Variants in TANGO6 observed in about 807,000 individuals in gnomAD.
The protein encoded by TANGO6 is transport and Golgi organization protein 6 homolog.
Under a neutral mutation model 114.2 loss-of-function variants are expected in TANGO6, and 90 were observed. The ratio of observed to expected loss-of-function variants is 0.79; its 90% CI spans 0.66 to 0.94. TANGO6 has a LOEUF of 0.94. Among genes scored for constraint, TANGO6 ranks in the 40% least tolerant of loss-of-function variants. TANGO6 has a pLI of 0.00. For missense variants in TANGO6, 1,274 were observed against 1,315.3 expected (o/e 0.97, Z 0.49); for synonymous variants, 477 against 509.8 (o/e 0.94, Z 0.87).
At chr16:68,898,263 A>G (rs1353739435) in intron 7 of TANGO6, among the ~76,000 whole-genome samples, 4 of 152,158 alleles carry the variant, frequency 2.6e-5, no homozygotes, top group African/African-American at 9.7e-5. Context: ...TAGATCATGC[A>G]CAGGAAGCTG....
chr16:68,859,573 T>C (rs1389490223), intron 1 of TANGO6, among the ~76,000 whole-genome samples: 3 of 152,254 alleles, frequency 2.0e-5, no homozygotes, highest in Admixed American at 2.0e-4. Flanking sequence ...CTGTTCTGGC[T>C]ACAATTTAAG....
intron 15 of TANGO6, among the ~76,000 whole-genome samples, chr16:69,018,166 CAG>C (rs1186422055): frequency 2.3e-5 from 2 of 87,268 alleles, no homozygotes; most frequent in African/African-American, 9.3e-5. Context: ...TTTTTTGAGA[CAG>C]AGTCTCTCTC....
chr16:68,926,433 G>A (rs1217448974), intron 12 of TANGO6, among the ~76,000 whole-genome samples: 1 of 151,732 alleles, frequency 6.6e-6, no homozygotes, highest in Non-Finnish European at 1.5e-5. Flanking sequence ...GGTGGAGGTT[G>A]CAGTGAGCCG....
chr16:68,967,793 G>T (rs1963660340), intron 14 of TANGO6, among the ~76,000 whole-genome samples: 1 of 152,134 alleles, frequency 6.6e-6, no homozygotes, highest in Non-Finnish European at 1.5e-5. Flanking sequence ...AGGTAGGAAT[G>T]GCTTAGCAGT....
chr16:68,863,260 A>G (rs1340182261), intron 3 of TANGO6, 199 bp downstream of exon 3: 9 of 384,504 alleles, frequency 2.3e-5, no homozygotes, highest in Non-Finnish European at 3.7e-5. Context: ...CCTTTTCTCT[A>G]ATGAAATGAT....
chr16:68,954,355 C>G (rs143987839), intron 14 of TANGO6, among the ~76,000 whole-genome samples: 1 of 151,540 alleles, frequency 6.6e-6, no homozygotes, highest in Non-Finnish European at 1.5e-5. Context: ...ACTGCATGAA[C>G]GCCTGTGCCC....
At chr16:69,046,233 C>T (rs1057188360) in intron 17 of TANGO6, among the ~76,000 whole-genome samples, 4 of 151,790 alleles carry the variant, frequency 2.6e-5, no homozygotes, top group African/African-American at 9.7e-5. Flanking sequence ...TATGAAAAAC[C>T]AGGAAAATGG....
At chr16:68,869,471 C>T (rs1396285049) in intron 4 of TANGO6, among the ~76,000 whole-genome samples, 1 of 152,176 alleles carries the variant, frequency 6.6e-6, no homozygotes, top group African/African-American at 2.4e-5. Context: ...GAGCGATATC[C>T]TGTGTCAAAC....
intron 7 of TANGO6, among the ~76,000 whole-genome samples, chr16:68,897,148 G>T (rs911560913): frequency 6.6e-6 from 1 of 151,940 alleles, no homozygotes. Context: ...TGATCCACCC[G>T]CCTCTGCCTC....
chr16:69,015,574 TG>T (rs1050939226), intron 15 of TANGO6, among the ~76,000 whole-genome samples: 4 of 151,960 alleles, frequency 2.6e-5, no homozygotes, highest in African/African-American at 9.7e-5. Flanking sequence ...CTCCACCTCC[TG>T]GGTTCACGCC....
chr16:69,026,855 A>T (rs996332194), intron 16 of TANGO6, among the ~76,000 whole-genome samples: 4 of 151,752 alleles, frequency 2.6e-5, no homozygotes, highest in Non-Finnish European at 5.9e-5. Context: ...CTGAGGGGGA[A>T]TTTTCCCTTC....
intron 14 of TANGO6, among the ~76,000 whole-genome samples, chr16:68,948,804 C>T (rs1963442080): frequency 1.3e-5 from 2 of 152,180 alleles, no homozygotes; most frequent in African/African-American, 4.8e-5. Flanking sequence ...CACACACTGC[C>T]CACCCTTCTT....
intron 17 of TANGO6, among the ~76,000 whole-genome samples, chr16:69,061,873 G>C (rs1960123520): frequency 6.6e-6 from 1 of 152,034 alleles, no homozygotes; most frequent in African/African-American, 2.4e-5. Context: ...CAAAAAATTA[G>C]CCGGGCATGG....
At chr16:69,006,881 A>G (rs1964096287) in intron 15 of TANGO6, among the ~76,000 whole-genome samples, 1 of 152,216 alleles carries the variant, frequency 6.6e-6, no homozygotes, top group Non-Finnish European at 1.5e-5. Context: ...CATTACAATC[A>G]ATTTAGGACA....
chr16:68,872,999 G>A (rs964730120), intron 4 of TANGO6, among the ~76,000 whole-genome samples: 12 of 151,682 alleles, frequency 7.9e-5, no homozygotes, highest in South Asian at 4.2e-4. Flanking sequence ...CACCGCACCC[G>A]GCCAGAAGTC....
chr16:68,953,302 C>G (rs556894595), intron 14 of TANGO6, among the ~76,000 whole-genome samples: 2 of 151,976 alleles, frequency 1.3e-5, no homozygotes, highest in Non-Finnish European at 2.9e-5. Context: ...AGGCTGATCT[C>G]GAATTCCTGA....
intron 1 of TANGO6, among the ~76,000 whole-genome samples, chr16:68,850,175 T>C (rs1219608722): frequency 6.6e-6 from 1 of 152,108 alleles, no homozygotes; most frequent in African/African-American, 2.4e-5. Flanking sequence ...GGTTTCACTA[T>C]GTTGACCAGT....
intron 12 of TANGO6, among the ~76,000 whole-genome samples, chr16:68,924,181 TTCTC>T (rs1442961438): frequency 6.9e-6 from 1 of 144,026 alleles, no homozygotes; most frequent in African/African-American, 2.8e-5. Context: ...AGCTGACTAG[TTCTC>T]TCTAATTCTT....
chr16:68,861,157 G>A (rs1451456703), intron 2 of TANGO6, among the ~76,000 whole-genome samples: 1 of 152,152 alleles, frequency 6.6e-6, no homozygotes, highest in Non-Finnish European at 1.5e-5. Flanking sequence ...GCTGACTGGG[G>A]AGATAAGACT....
Sources: gnomAD v4.1 joint callset for allele counts (sites outside exome capture counted in the v4.1 genomes callset) on GRCh38, gnomAD v4.1.1 for gene constraint, MANE v1.5 for transcripts, NCBI Gene and HGNC (gene_info 2026-07-23, HGNC 2026-07-21) for gene names.